The following TENM2 variants were observed in gnomAD, a reference collection of about 807,000 sequenced individuals.
The protein encoded by TENM2 is teneurin transmembrane protein 2.
A neutral mutation model predicts 245.2 loss-of-function variants in TENM2; 52 were observed. The ratio of observed to expected loss-of-function variants is 0.21; its 90% CI spans 0.17 to 0.27. TENM2 has a LOEUF of 0.27. Ranked by LOEUF, TENM2 falls within the 10% of genes least tolerant of loss-of-function variation. The pLI, the probability that TENM2 is intolerant of heterozygous loss-of-function variation, is 1.00. For missense variants in TENM2, 3,046 were observed against 3,666.8 expected, an observed-to-expected ratio of 0.83 and a Z score of 4.37; for synonymous variants, 1,363 against 1,438.9, an observed-to-expected ratio of 0.95 and a Z score of 1.19.
intron 2 of TENM2, among the ~76,000 whole-genome samples, chr5:167,679,538 T>G (rs2150371379): frequency 6.6e-6 from 1 of 152,314 alleles, no homozygotes; most frequent in Admixed American, 6.5e-5. Context: ...GTGATTAATT[T>G]CAACATAATA....
chr5:167,513,390 G>A lies in TENM2; in HGVS notation c.502+137917G>A, dbSNP rs541419443. The stretch of plus-strand genomic sequence containing the variant: ...CGGTAAAAGGAAACAGTAAATACAC[G>A]CTGAAACTGGAGTAACGAAGTAAAG... On this transcript the variant is annotated intron_variant, in intron 2 of 28. Coordinates refer to ENST00000518659, the Ensembl canonical transcript of TENM2. 9.3e-4 allele frequency among the ~76,000 whole-genome samples: 142 copies of A among 152,198 alleles called. 5 individuals are homozygous for A. In the South Asian group the frequency reaches 0.025, roughly 27 times the overall value.
the TENM2 span, among the ~76,000 whole-genome samples, chr5:167,255,069 TTTTC>T: frequency 4.6e-3 from 698 of 150,184 alleles, 4 homozygotes; most frequent in African/African-American, 0.016. Flanking sequence ...ATTTCTTTTC[TTTTC>T]TTTTTTTTTT....
At chr5:168,224,319 A>G (rs1011563096) in intron 23 of TENM2, among the ~76,000 whole-genome samples, 1 of 152,272 alleles carries the variant, frequency 6.6e-6, no homozygotes, top group Admixed American at 6.5e-5. Flanking sequence ...TCCTGAGCTC[A>G]CAGACATTCC....
At chr5:167,612,375 T>G (rs1358858198) in intron 2 of TENM2, among the ~76,000 whole-genome samples, 1 of 152,158 alleles carries the variant, frequency 6.6e-6, no homozygotes, top group Non-Finnish European at 1.5e-5. Context: ...ATGTGGCATT[T>G]ATTTAATTTT....
At chr5:167,108,261 G>A in the TENM2 span, among the ~76,000 whole-genome samples, 1 of 152,128 alleles carries the variant, frequency 6.6e-6, no homozygotes, top group African/African-American at 2.4e-5. Flanking sequence ...GAGTAGCTGG[G>A]ATTACAGGAA....
chr5:167,366,527 G>A (rs200704626), intron 1 of TENM2, among the ~76,000 whole-genome samples: 2 of 152,058 alleles, frequency 1.3e-5, no homozygotes, highest in Non-Finnish European at 2.9e-5. Flanking sequence ...CTATTTTTAT[G>A]TCCCTTTTAT....
At chr5:167,902,908 T>C (rs1201974973) in intron 3 of TENM2, among the ~76,000 whole-genome samples, 1 of 152,192 alleles carries the variant, frequency 6.6e-6, no homozygotes, top group Admixed American at 6.5e-5. Context: ...GAAAAACAGC[T>C]TTGACAGCCT....
intron 1 of TENM2, among the ~76,000 whole-genome samples, chr5:167,333,825 A>G (rs994693424): frequency 6.6e-6 from 1 of 152,226 alleles, no homozygotes; most frequent in African/African-American, 2.4e-5. Flanking sequence ...GAGAATCTAC[A>G]TCAGCTTTCT....
chr5:167,437,785 T>C (rs1486370297), intron 2 of TENM2, among the ~76,000 whole-genome samples: 1 of 152,194 alleles, frequency 6.6e-6, no homozygotes, highest in African/African-American at 2.4e-5. Context: ...CCATTTCTCT[T>C]GATTCTCATT....
At chr5:167,279,728 C>T in the TENM2 span, among the ~76,000 whole-genome samples, 6 of 152,014 alleles carry the variant, frequency 3.9e-5, no homozygotes, top group South Asian at 2.1e-4. Flanking sequence ...GAAATTTTCA[C>T]TGGGGTCTTC....
At chr5:167,463,598 A>G (rs1651425846) in intron 2 of TENM2, among the ~76,000 whole-genome samples, 1 of 151,984 alleles carries the variant, frequency 6.6e-6, no homozygotes, top group African/African-American at 2.4e-5. Flanking sequence ...TCCTGGGTTC[A>G]AGCGATTCTC....
chr5:167,870,554 C>CATATAT lies in TENM2; in HGVS notation c.503-5421_503-5416dup, dbSNP rs60172043. On this transcript the variant is annotated intron_variant, in intron 2 of 28. Coordinates refer to ENST00000518659, the Ensembl canonical transcript of TENM2. ...ACTGAATGTTAAAAGAATGTGTATA[C>CATATAT]ATATATATATATATATGTGTGTGTA... Among the ~76,000 whole-genome samples, 134 of 128,372 alleles carry CATATAT rather than the reference C, an allele frequency of 1.0e-3. 1 individual carries two copies. The highest frequency in any genetic ancestry group is 4.9e-3 in the Admixed American group (63 of 12,786). The allele number at this position is 128,372 out of a possible 152,430, so 84.2% of individuals were successfully genotyped here. A position where few individuals can be genotyped will look rare whatever the true frequency, so the allele number is the denominator to read the frequency against.
chr5:167,220,676 C>T, the TENM2 span, among the ~76,000 whole-genome samples: 31,629 of 152,024 alleles, frequency 0.21, 3,884 homozygotes, highest in African/African-American at 0.34. Flanking sequence ...TGCTGCATGT[C>T]AGCTTTGTTA....
At chr5:167,735,104 T>C (rs1357671684) in intron 2 of TENM2, among the ~76,000 whole-genome samples, 1 of 152,196 alleles carries the variant, frequency 6.6e-6, no homozygotes, top group Non-Finnish European at 1.5e-5. Context: ...AGAAAAATAA[T>C]ACTAACAAGC....
intron 3 of TENM2, among the ~76,000 whole-genome samples, chr5:167,944,897 A>C (rs1779485989): frequency 6.6e-6 from 1 of 152,242 alleles, no homozygotes; most frequent in Admixed American, 6.5e-5. Context: ...CAGGAAAAAC[A>C]ACCAAAAAAC....
chr5:167,225,926 C>G, the TENM2 span, among the ~76,000 whole-genome samples: 3 of 151,896 alleles, frequency 2.0e-5, 1 homozygote, highest in South Asian at 6.2e-4. Flanking sequence ...TATTTGTTTC[C>G]TCTAGGTTTT....
intron 12 of TENM2, among the ~76,000 whole-genome samples, chr5:168,128,205 A>G (rs371213948): frequency 1.6e-4 from 24 of 151,982 alleles, no homozygotes; most frequent in African/African-American, 5.6e-4. Context: ...TGTTTTTGCA[A>G]TCTCTCGATG....
At chr5:167,571,501 C>T (rs1212035416) in intron 2 of TENM2, among the ~76,000 whole-genome samples, 3 of 152,108 alleles carry the variant, frequency 2.0e-5, no homozygotes, top group Non-Finnish European at 4.4e-5. Context: ...GTATAATCAC[C>T]TAGCCCCCCA....
At chr5:167,835,254 T>C (rs1434408125) in intron 2 of TENM2, among the ~76,000 whole-genome samples, 1 of 152,222 alleles carries the variant, frequency 6.6e-6, no homozygotes, top group Non-Finnish European at 1.5e-5. Context: ...AGAGTGAGAC[T>C]ATCATCCCAT....
Sources: gnomAD v4.1 joint callset for allele counts (sites outside exome capture counted in the v4.1 genomes callset) on GRCh38, gnomAD v4.1.1 for gene constraint, MANE v1.5 for transcripts, NCBI Gene and HGNC (gene_info 2026-07-23, HGNC 2026-07-21) for gene names.